Variants in GRID2 observed in about 807,000 individuals in gnomAD.
GRID2 encodes glutamate ionotropic receptor delta type subunit 2, also known as glutamate receptor ionotropic, delta-2.
GRID2 carries 33 observed loss-of-function variants against 114.8 expected under a neutral mutation model. That is an observed-to-expected ratio of 0.29 (90% CI 0.22 to 0.38). The LOEUF (loss-of-function observed/expected upper bound fraction) is 0.38, where lower values mean the gene tolerates loss of function less well. GRID2 is among the 10% of genes least tolerant of loss of function. The pLI is 1.00. For synonymous variants in GRID2, 505 were observed against 449.9 expected (o/e 1.12, Z -1.55); for missense variants, 1,184 against 1,257.7 (o/e 0.94, Z 0.89).
chr4:93,607,263 T>C (rs1740345467), intron 13 of GRID2, among the ~76,000 whole-genome samples: 1 of 152,180 alleles, frequency 6.6e-6, no homozygotes, highest in Non-Finnish European at 1.5e-5. Context: ...CATGTATTTA[T>C]ATAAGTCCTG....
chr4:93,770,932 TG>T (rs1308165931), intron 15 of GRID2, among the ~76,000 whole-genome samples: 2 of 152,164 alleles, frequency 1.3e-5, no homozygotes, highest in Non-Finnish European at 2.9e-5. Context: ...TATTTTTTAT[TG>T]AATTTTGAAA....
intron 4 of GRID2, among the ~76,000 whole-genome samples, chr4:93,196,256 G>A (rs1741479996): frequency 6.6e-6 from 1 of 152,044 alleles, no homozygotes; most frequent in East Asian, 1.9e-4. Flanking sequence ...ACCCCAGAAA[G>A]CTCCAAGGTC....
Position 92,590,278 on chromosome 4 carries a change from T to C in GRID2, c.236T>C (p.Val79Ala). Reference sequence around the variant, plus strand: ...GATGGCAACAACCCTTTCCAAGCAGTTCAAGAAGGTAAGGTCATCAGTATT... The same window carrying C: ...GATGGCAACAACCCTTTCCAAGCAGCTCAAGAAGGTAAGGTCATCAGTATT... ...FVDGNNPFQAVQEACELMNQG... is the reference protein window; with the variant it reads ...FVDGNNPFQAAQEACELMNQG... The change falls in exon 2 of 16, where the codon GTT becomes GCT. Residue 79 changes from valine to alanine, a missense_variant. Coordinates refer to ENST00000282020, the MANE Select transcript of GRID2 (RefSeq NM_001510.4). 1 of 1,611,088 alleles carries C rather than the reference T, an allele frequency of 6.2e-7. No individual in the cohort carries two copies. Among genetic ancestry groups the C allele is most frequent in the Non-Finnish European group, 8.5e-7 (1 of 1,178,286 alleles).
At position 93,316,339 on chromosome 4, in the gene GRID2, A is replaced by AGAAAGAAAGAAAGAAAGAAAGAAG. The variant is rs1192535496; in HGVS notation, c.1245+77852_1245+77853insAGAAAGAAAGAAAGAAAGAAGGAA. 2.2e-3 allele frequency among the ~76,000 whole-genome samples: 119 copies of AGAAAGAAAGAAAGAAAGAAAGAAG among 54,980 alleles called. 1 individual carries two copies. The highest frequency in any genetic ancestry group is 6.4e-3 in the South Asian group (9 of 1,398). 36.1% of individuals were successfully genotyped at this position (54,980 alleles called of 152,430 possible). ...AAGAAAGAAAGAAAGAAAGAAAGAA[A>AGAAAGAAAGAAAGAAAGAAAGAAG]GAAGGAAGGAAGGAAGGAAGGAAAA... is the stretch of plus-strand genomic sequence containing the variant. On this transcript the variant is annotated intron_variant, in intron 8 of 15. Coordinates refer to ENST00000282020, the MANE Select transcript of GRID2 (RefSeq NM_001510.4).
chr4:92,939,489 C>T (rs529433506), intron 2 of GRID2, among the ~76,000 whole-genome samples: 2 of 146,962 alleles, frequency 1.4e-5, no homozygotes, highest in African/African-American at 2.4e-5. Context: ...GAGTAGATTG[C>T]AAAAATTTTC....
intron 14 of GRID2, among the ~76,000 whole-genome samples, chr4:93,693,597 A>G (rs1357308084): frequency 6.6e-6 from 1 of 152,206 alleles, no homozygotes; most frequent in Non-Finnish European, 1.5e-5. Flanking sequence ...TGTTCTGAGC[A>G]TGGTTGAGTG....
intron 2 of GRID2, among the ~76,000 whole-genome samples, chr4:92,980,869 T>C (rs543790592): frequency 3.3e-5 from 5 of 152,196 alleles, no homozygotes; most frequent in South Asian, 4.1e-4. Context: ...CAAAAATATG[T>C]AGCTACTTAC....
chr4:92,686,833 A>G (rs768864174), intron 2 of GRID2, among the ~76,000 whole-genome samples: 2 of 152,164 alleles, frequency 1.3e-5, no homozygotes, highest in Non-Finnish European at 2.9e-5. Flanking sequence ...GTATTCAGAA[A>G]TGAGTAAACT....
intron 1 of GRID2, among the ~76,000 whole-genome samples, chr4:92,523,731 G>A (rs1482746566): frequency 1.3e-5 from 2 of 152,036 alleles, no homozygotes; most frequent in African/African-American, 4.8e-5. Flanking sequence ...GGACGCAGGT[G>A]GAAGTAGAAG....
At chr4:93,372,040 CT>C (rs962520718) in intron 8 of GRID2, among the ~76,000 whole-genome samples, 5 of 152,124 alleles carry the variant, frequency 3.3e-5, no homozygotes, top group African/African-American at 7.2e-5. Flanking sequence ...GCCACTGCCC[CT>C]GACCCACCAC....
At chr4:93,056,114 G>A (rs904531322) in intron 2 of GRID2, among the ~76,000 whole-genome samples, 2 of 151,944 alleles carry the variant, frequency 1.3e-5, no homozygotes, top group Non-Finnish European at 2.9e-5. Context: ...CTGCAGGGGT[G>A]TAGAATTGCT....
chr4:92,665,792 A>G (rs1732742714), intron 2 of GRID2, among the ~76,000 whole-genome samples: 1 of 151,260 alleles, frequency 6.6e-6, no homozygotes, highest in South Asian at 2.1e-4. Context: ...ATCTACTGAT[A>G]GTCTCATTGA....
intron 2 of GRID2, among the ~76,000 whole-genome samples, chr4:92,858,685 G>T (rs1185073132): frequency 6.6e-6 from 1 of 152,042 alleles, no homozygotes; most frequent in East Asian, 1.9e-4. Context: ...AGCCTCCTGC[G>T]TAGCTGGGAC....
intron 13 of GRID2, among the ~76,000 whole-genome samples, chr4:93,553,375 T>G (rs926344882): frequency 6.6e-6 from 1 of 152,146 alleles, no homozygotes; most frequent in Non-Finnish European, 1.5e-5. Context: ...TTAACTGTGT[T>G]TTTTTATGGG....
chr4:92,496,065 C>G (rs745962516), intron 1 of GRID2, among the ~76,000 whole-genome samples: 8 of 151,832 alleles, frequency 5.3e-5, no homozygotes, highest in Non-Finnish European at 8.8e-5. Flanking sequence ...TTATTCTGCA[C>G]TGATTATTAT....
intron 14 of GRID2, among the ~76,000 whole-genome samples, chr4:93,757,164 C>T (rs900241043): frequency 2.6e-5 from 4 of 152,078 alleles, no homozygotes; most frequent in African/African-American, 9.7e-5. Flanking sequence ...GTTAGAAATA[C>T]AAAATTAATA....
chr4:93,559,241 C>T (rs1023202639), intron 13 of GRID2, among the ~76,000 whole-genome samples: 6 of 152,126 alleles, frequency 3.9e-5, no homozygotes, highest in African/African-American at 1.4e-4. Context: ...CAAATATGAT[C>T]TAATTAAACT....
intron 1 of GRID2, among the ~76,000 whole-genome samples, chr4:92,376,542 G>T (rs567256317): frequency 2.6e-5 from 4 of 152,176 alleles, no homozygotes; most frequent in Non-Finnish European, 5.9e-5. Context: ...GAGGAAAGTG[G>T]CCCTCTTCTC....
chr4:92,785,100 C>G (rs1182798762), intron 2 of GRID2, among the ~76,000 whole-genome samples: 1 of 140,620 alleles, frequency 7.1e-6, no homozygotes, highest in Admixed American at 7.4e-5. Flanking sequence ...TAACAACTGA[C>G]ATAATCCACT....
Sources: allele counts gnomAD v4.1 joint callset (sites outside exome capture counted in the v4.1 genomes callset), GRCh38; gene constraint gnomAD v4.1.1; transcripts MANE v1.5; gene names NCBI Gene and HGNC (gene_info 2026-07-23, HGNC 2026-07-21).